Variants in SORCS1 observed in about 807,000 individuals in gnomAD.
SORCS1 encodes sortilin related VPS10 domain containing receptor 1, also known as VPS10 domain-containing receptor SorCS1.
A neutral mutation model predicts 146.1 loss-of-function variants in SORCS1; 60 were observed. The observed-to-expected ratio is 0.41, with a 90% CI of 0.33 to 0.51. The LOEUF (loss-of-function observed/expected upper bound fraction) is 0.51, where lower values mean the gene tolerates loss of function less well. Ranked by LOEUF, SORCS1 falls within the 20% of genes least tolerant of loss-of-function variation. The pLI, the probability that SORCS1 is intolerant of heterozygous loss-of-function variation, is 0.21. For missense variants in SORCS1, 1,352 were observed against 1,487.6 expected, an observed-to-expected ratio of 0.91 and a Z score of 1.50; for synonymous variants, 637 against 584.0, an observed-to-expected ratio of 1.09 and a Z score of -1.31.
chr10:106,835,183 A>G (rs910774513), intron 2 of SORCS1, among the ~76,000 whole-genome samples: 11 of 152,212 alleles, frequency 7.2e-5, no homozygotes, highest in South Asian at 4.1e-4. Context: ...CGCTTGAAAA[A>G]AGGATCAGTA....
intron 1 of SORCS1, among the ~76,000 whole-genome samples, chr10:107,037,109 G>A (rs1010103042): frequency 6.6e-5 from 10 of 152,062 alleles, no homozygotes; most frequent in Non-Finnish European, 1.5e-4. Flanking sequence ...AGCTGGGCGC[G>A]GTGGAACACA....
At chr10:107,140,735 A>T (rs1340113021) in intron 1 of SORCS1, among the ~76,000 whole-genome samples, 1 of 152,236 alleles carries the variant, frequency 6.6e-6, no homozygotes, top group Non-Finnish European at 1.5e-5. Context: ...ATCATTCGAT[A>T]TCCCAACATA....
chr10:107,013,858 G>T (rs981849484), intron 1 of SORCS1, among the ~76,000 whole-genome samples: 1 of 152,102 alleles, frequency 6.6e-6, no homozygotes, highest in Non-Finnish European at 1.5e-5. Flanking sequence ...GTAAAAATGA[G>T]TCACCCAAGT....
intron 1 of SORCS1, among the ~76,000 whole-genome samples, chr10:107,140,676 C>A (rs140470347): frequency 1.5e-3 from 221 of 152,212 alleles, no homozygotes; most frequent in African/African-American, 5.0e-3. Context: ...TATACATAGT[C>A]CCATAAGAAA....
chr10:106,818,326 T>C (rs1374538475), intron 3 of SORCS1, among the ~76,000 whole-genome samples: 1 of 151,994 alleles, frequency 6.6e-6, no homozygotes, highest in African/African-American at 2.4e-5. Context: ...TGAAAATAAA[T>C]TACATTATTA....
chr10:107,180,536 T>G, the SORCS1 span, among the ~76,000 whole-genome samples: 1 of 152,164 alleles, frequency 6.6e-6, no homozygotes, highest in African/African-American at 2.4e-5. Context: ...TTGTTGGTCT[T>G]CCTATGGGTT....
chr10:106,611,914 C>T lies in SORCS1; in HGVS notation c.3030G>A (p.Val1010=). 1 of 1,612,334 alleles carries T rather than the reference C, an allele frequency of 6.2e-7. No homozygotes were observed. The highest frequency in any genetic ancestry group is 8.5e-7 in the Non-Finnish European group (1 of 1,178,414). The stretch of plus-strand genomic sequence containing the variant: ...AGAAGAAACTGTGTGCACTCACTTC[C>T]ACCAGGGATTTTTTGATGACTCGAC... ...DIGRVIKKSL[V]EATGVPGQHI... Residue 1010 remains valine, a synonymous_variant, in exon 22 of 26, where the codon GTG becomes GTA. Transcript: ENST00000263054.
intron 21 of SORCS1, 83 bp from the exon 22 acceptor site, chr10:106,612,106 T>C (rs1201101074): frequency 9.3e-7 from 1 of 1,077,856 alleles, no homozygotes; most frequent in East Asian, 2.5e-5. Context: ...TTATACAAAA[T>C]GGAGGGTCCT....
At chr10:106,781,999 C>A (rs1410600116) in intron 3 of SORCS1, among the ~76,000 whole-genome samples, 1 of 152,172 alleles carries the variant, frequency 6.6e-6, no homozygotes, top group Non-Finnish European at 1.5e-5. Flanking sequence ...ATGACACAAC[C>A]AATTTTCCTA....
At chr10:106,872,033 C>G (rs748782513) in intron 2 of SORCS1, among the ~76,000 whole-genome samples, 33 of 152,030 alleles carry the variant, frequency 2.2e-4, no homozygotes, top group Non-Finnish European at 4.7e-4. Context: ...AAATAAAATA[C>G]AAAATTGATG....
chr10:106,698,790 T>G (rs1298819239), intron 9 of SORCS1, among the ~76,000 whole-genome samples: 1 of 152,126 alleles, frequency 6.6e-6, no homozygotes. Flanking sequence ...CCAAATGGAG[T>G]GTCTTCTGCT....
At chr10:106,931,727 C>G (rs1270496202) in intron 2 of SORCS1, among the ~76,000 whole-genome samples, 4 of 152,136 alleles carry the variant, frequency 2.6e-5, no homozygotes, top group Admixed American at 6.5e-5. Flanking sequence ...TTGTGTATGT[C>G]AGCACTCTGC....
At chr10:107,160,338 T>G (rs1969607070) in intron 1 of SORCS1, among the ~76,000 whole-genome samples, 1 of 152,232 alleles carries the variant, frequency 6.6e-6, no homozygotes, top group Non-Finnish European at 1.5e-5. Context: ...CTGTGTCTAT[T>G]TGGCAATTCA....
chr10:106,827,418 G>GA (rs1310125798), intron 3 of SORCS1, among the ~76,000 whole-genome samples: 1 of 152,088 alleles, frequency 6.6e-6, no homozygotes, highest in Non-Finnish European at 1.5e-5. Flanking sequence ...TTAGTTCAGG[G>GA]ATCTTTCAAT....
At chr10:106,695,038 T>A (rs1193044829) in intron 9 of SORCS1, among the ~76,000 whole-genome samples, 1 of 151,200 alleles carries the variant, frequency 6.6e-6, no homozygotes, top group Non-Finnish European at 1.5e-5. Flanking sequence ...CTCAGCACAT[T>A]TTTTTTTTGC....
At chr10:106,591,886 A>T (rs562929331) in intron 24 of SORCS1, among the ~76,000 whole-genome samples, 1 of 152,170 alleles carries the variant, frequency 6.6e-6, no homozygotes, top group East Asian at 1.9e-4. Context: ...AAGTGGGGAG[A>T]AATATTCCAA....
chr10:106,692,234 T>C (rs1032739481), intron 9 of SORCS1, among the ~76,000 whole-genome samples: 1 of 152,048 alleles, frequency 6.6e-6, no homozygotes, highest in South Asian at 2.1e-4. Flanking sequence ...TTTGTTTGTT[T>C]TGTTTTGTTT....
At position 107,111,893 on chromosome 10, in the gene SORCS1, C is replaced by CT. The variant is rs753154385; in HGVS notation, c.558+52075dup. Among the ~76,000 whole-genome samples, 79 of 152,246 alleles carry CT rather than the reference C, an allele frequency of 5.2e-4. 1 individual carries two copies. The highest frequency in any genetic ancestry group is 8.1e-4 in the Non-Finnish European group (55 of 67,988). ...TAACAGCAGACATCTCAACAGAAGC[C>CT]TTTCAGGCCAAAATGGAGTAAGGTA... On this transcript the variant is annotated intron_variant, in intron 1 of 25. Coordinates refer to ENST00000263054, the MANE Select transcript of SORCS1 (RefSeq NM_052918.5).
At chr10:106,888,345 T>A (rs1951087993) in intron 2 of SORCS1, among the ~76,000 whole-genome samples, 1 of 152,182 alleles carries the variant, frequency 6.6e-6, no homozygotes, top group Non-Finnish European at 1.5e-5. Flanking sequence ...GCCTGTACAT[T>A]AAGGAGGTTC....
Sources: gnomAD v4.1 joint callset for allele counts (sites outside exome capture counted in the v4.1 genomes callset) on GRCh38, gnomAD v4.1.1 for gene constraint, MANE v1.5 for transcripts, NCBI Gene and HGNC (gene_info 2026-07-23, HGNC 2026-07-21) for gene names.